The following SETD1B variants were observed in gnomAD, a reference collection of about 807,000 sequenced individuals.
SETD1B encodes the protein histone-lysine N-methyltransferase SETD1B.
A neutral mutation model predicts 148.0 loss-of-function variants in SETD1B; 7 were observed. That is an observed-to-expected ratio of 0.05 (90% CI 0.03 to 0.09). SETD1B has a LOEUF of 0.09. Ranked by LOEUF, SETD1B falls within the 10% of genes least tolerant of loss-of-function variation. SETD1B has a pLI of 1.00. For synonymous variants in SETD1B, 1,361 were observed against 1,186.5 expected, an observed-to-expected ratio of 1.15 and a Z score of -3.02; for missense variants, 2,155 against 2,729.9, an observed-to-expected ratio of 0.79 and a Z score of 4.69.
rs1369192222 is a variant in SETD1B, at chr12:121,823,062, C to T, written c.4483C>T (p.Arg1495Cys). Residue 1495 changes from arginine (R) to cysteine (C), a missense_variant, in exon 12 of 17, where the codon CGT becomes TGT. Arg to Cys is a radical substitution (Grantham distance 180). Around this residue, in one of 11 missense-constraint regions of SETD1B, gnomAD observed 862 missense variants for 873.8 expected, o/e 0.99. Transcript: ENST00000604567. ...GCCCGCCGTCTTGCGGGCCCAGGCT[C>T]GTGCGCCCACCCCGCTGCCACCCCT... Reference protein sequence around the residue: ...ALPAVLRAQARAPTPLPPLLP... With the variant: ...ALPAVLRAQACAPTPLPPLLP... 3 of 1,517,264 alleles carry T rather than the reference C, an allele frequency of 2.0e-6. No individual in the cohort carries two copies. The highest frequency in any genetic ancestry group is 4.9e-5 in the East Asian group (2 of 40,486). The allele number at this position is 1,517,264 out of a possible 1,614,324, so 94.0% of individuals were successfully genotyped here. A position where few individuals can be genotyped will look rare whatever the true frequency, so the allele number is the denominator to read the frequency against.
chr12:121,827,898 C>T, intron 15 of SETD1B, 35 bp from the exon 16 acceptor site: 1 of 1,552,332 alleles, frequency 6.4e-7, no homozygotes, highest in Non-Finnish European at 8.7e-7. Flanking sequence ...GGGCATGGGG[C>T]CGGCCCAGCC....
rs1489464675 is a variant in SETD1B, at chr12:121,810,270, C to T, written c.1325C>T (p.Pro442Leu). The T allele has an allele frequency of 6.5e-7, 1 of 1,544,986 alleles. No individual in the cohort carries two copies. The highest frequency in any genetic ancestry group is 8.7e-7 in the Non-Finnish European group (1 of 1,146,738). Residue 442 changes from proline to leucine, a missense_variant, in exon 6 of 17, where the codon CCT (proline) becomes CTT (leucine). Coordinates refer to ENST00000604567, the MANE Select transcript of SETD1B (RefSeq NM_001353345.2). This position sits in a 1 kb window ranked among gnomAD's most constrained non-coding sequence, Gnocchi z 7.6. Reference sequence around the variant, plus strand: ...CCCCCACCCCTGCCACCTGCTGAGCCTCTGGCCAAGGAGAAGCCAGGCACG... The same window carrying T: ...CCCCCACCCCTGCCACCTGCTGAGCTTCTGGCCAAGGAGAAGCCAGGCACG... ...PAPPPLPPAEPLAKEKPGTPP... is the reference protein window; with the variant it reads ...PAPPPLPPAELLAKEKPGTPP...
At chr12:121,818,259 T>C (rs543774794) in intron 10 of SETD1B, among the ~76,000 whole-genome samples, 1 of 152,232 alleles carries the variant, frequency 6.6e-6, no homozygotes, top group East Asian at 1.9e-4. Context: ...CTGCTGGAAT[T>C]ATCACTTTGT....
Position 121,823,517 on chromosome 12 carries a change from TAAG to T in SETD1B, c.4942_4944del (p.Lys1648del). ...GCCGGGGGCCGTGGCGCCGGCCACC[TAAG>T]AAGCGCCATGAGGACCTGGTGCCAC... On this transcript the variant is annotated inframe_deletion, in exon 12 of 17. Coordinates refer to ENST00000604567, the MANE Select transcript of SETD1B (RefSeq NM_001353345.2). The T allele has an allele frequency of 6.4e-7, 1 of 1,550,894 alleles. No homozygotes were observed. Among genetic ancestry groups the T allele is most frequent in the Non-Finnish European group, 8.7e-7 (1 of 1,146,894 alleles).
At chr12:121,807,924 C>T (rs1875829751) in intron 4 of SETD1B, among the ~76,000 whole-genome samples, 1 of 151,866 alleles carries the variant, frequency 6.6e-6, no homozygotes, top group Admixed American at 6.6e-5. Context: ...GGCTGGGCGT[C>T]GCGGGTGGCA....
upstream of SETD1B, chr12:121,802,352 T>G (rs1448613799): frequency 9.2e-5 from 14 of 152,238 alleles, no homozygotes. Flanking sequence ...GATTGGGTAC[T>G]TACAATGTAA....
Position 121,830,429 on chromosome 12 carries a change from G to A in SETD1B, c.*190G>A. On this transcript the variant is annotated 3_prime_UTR_variant, in exon 17 of 17. Transcript: ENST00000604567. The surrounding 1 kb of genome is among the most constrained non-coding windows in gnomAD (Gnocchi z 5.7). The stretch of plus-strand genomic sequence containing the variant: ...CTGGCTCCGGCCCCTCCGCGGGAAA[G>A]GGCTTCTCTGTCGTTCAGCCCACGT... 1.8e-6 allele frequency: 1 copy of A among 550,884 alleles called. No individual in the cohort carries two copies. Among genetic ancestry groups the A allele is most frequent in the Non-Finnish European group, 3.2e-6 (1 of 311,212 alleles). 34.1% of individuals were successfully genotyped at this position (550,884 alleles called of 1,614,324 possible). A position where few individuals can be genotyped will look rare whatever the true frequency, so the allele number is the denominator to read the frequency against.
intron 16 of SETD1B, among the ~76,000 whole-genome samples, chr12:121,829,205 C>T (rs1303861672): frequency 6.6e-6 from 1 of 152,142 alleles, no homozygotes; most frequent in East Asian, 1.9e-4. Context: ...TCTGCTATCC[C>T]TTTGGAAACG....
chr12:121,804,948 G>A lies in SETD1B; in HGVS notation c.174+37G>A, dbSNP rs1238539751. 3 of 1,477,460 alleles carry A rather than the reference G, an allele frequency of 2.0e-6. No homozygotes were observed. Among genetic ancestry groups the A allele is most frequent in the Admixed American group, 5.0e-5 (2 of 40,292 alleles). The allele number at this position is 1,477,460 out of a possible 1,614,324, so 91.5% of individuals were successfully genotyped here. ...GCGCGCCCCCCCAGCCGTGCCCCGC[G>A]TCGTGTCCGGGGAGACGCGCCTAGC... is the stretch of plus-strand genomic sequence containing the variant. On this transcript the variant is annotated intron_variant, in intron 2 of 16. Coordinates refer to ENST00000604567, the MANE Select transcript of SETD1B (RefSeq NM_001353345.2). The surrounding 1 kb of genome is among the most constrained non-coding windows in gnomAD (Gnocchi z 4.6).
At chr12:121,806,987 C>G (rs1260024988) in intron 4 of SETD1B, among the ~76,000 whole-genome samples, 1 of 152,212 alleles carries the variant, frequency 6.6e-6, no homozygotes, top group Non-Finnish European at 1.5e-5. Flanking sequence ...CATTCGGTCC[C>G]TAGCCCACCG....
At chr12:121,820,379 G>A (rs1166557308) in intron 11 of SETD1B, among the ~76,000 whole-genome samples, 2 of 152,252 alleles carry the variant, frequency 1.3e-5, no homozygotes, top group African/African-American at 2.4e-5. Context: ...TTCTCAGGCT[G>A]TGCTGTCCAG....
intron 11 of SETD1B, among the ~76,000 whole-genome samples, chr12:121,820,157 G>T (rs933882931): frequency 1.3e-5 from 2 of 152,230 alleles, no homozygotes; most frequent in African/African-American, 4.8e-5. Context: ...CTGGTGGCTT[G>T]GTCCTTGGAC....
At chr12:121,793,280 CG>C in the SETD1B span, 1 of 1,525,890 alleles carries the variant, frequency 6.6e-7, no homozygotes, top group Non-Finnish European at 8.9e-7. Flanking sequence ...GTGGGGCCGG[CG>C]GGGGCCAAAG....
Position 121,805,030 on chromosome 12 carries a change from G to C in SETD1B, c.175-88G>C. 4.0e-6 allele frequency: 6 copies of C among 1,483,374 alleles called. No individual in the cohort carries two copies. The highest frequency in any genetic ancestry group is 5.5e-6 in the Non-Finnish European group (6 of 1,096,040). The allele number at this position is 1,483,374 out of a possible 1,614,324, so 91.9% of individuals were successfully genotyped here. On this transcript the variant is annotated intron_variant, in intron 2 of 16. Transcript: ENST00000604567. The surrounding 1 kb of genome is among the most constrained non-coding windows in gnomAD (Gnocchi z 4.2). ...AACTGTCAGACGGGGCCCCAGCCCT[G>C]GAGTTTGACAAGTGCCTCGAGAAAG...
rs920970084 is a variant in SETD1B at position 121,808,279 on chromosome 12, G to C, written c.616G>C (p.Glu206Gln). ...RYTPQTLPVG[E>Q]LDAVSPIVNE... The stretch of plus-strand genomic sequence containing the variant: ...CACCCCCCAGACCCTCCCAGTGGGC[G>C]AGCTGGACGCTGTCTCTCCAATCGT... The change falls in exon 5 of 17, where the codon GAG becomes CAG. Residue 206 changes from glutamate to glutamine, a missense_variant. By Grantham distance (29) the Glu-to-Gln change is conservative (BLOSUM62 2). This residue lies in a region of SETD1B where 124 missense variants were observed against 282.9 expected (regional missense o/e 0.44). Transcript: ENST00000604567. This position sits in a 1 kb window ranked among gnomAD's most constrained non-coding sequence, Gnocchi z 5.3. 18 of 1,550,608 alleles carry C rather than the reference G, an allele frequency of 1.2e-5. No individual in the cohort carries two copies. The highest frequency in any genetic ancestry group is 1.5e-5 in the Non-Finnish European group (17 of 1,146,658).
chr12:121,815,785 GCCACC>G (rs1876263631), intron 7 of SETD1B, among the ~76,000 whole-genome samples: 1 of 150,404 alleles, frequency 6.6e-6, no homozygotes, highest in Non-Finnish European at 1.5e-5. Flanking sequence ...ATATGCGTCA[GCCACC>G]GCTCCTGGCC....
intron 4 of SETD1B, among the ~76,000 whole-genome samples, chr12:121,806,354 G>A (rs563545504): frequency 6.6e-6 from 1 of 152,214 alleles, no homozygotes; most frequent in Non-Finnish European, 1.5e-5. Context: ...ACCACCCGGA[G>A]GCTTCCCCAC....
At position 121,812,416 on chromosome 12, in the gene SETD1B, G is replaced by GT. The variant is rs1876078487; in HGVS notation, c.1890+1582dup. Reference sequence around the variant, plus strand: ...GTTTCGTCATCTGCCAAATGGGCCTGTGAGAGTCCCTGCAGCACAGGACCT... The same window carrying GT: ...GTTTCGTCATCTGCCAAATGGGCCTGTTGAGAGTCCCTGCAGCACAGGACCT... On this transcript the variant is annotated intron_variant, in intron 6 of 16. Coordinates refer to ENST00000604567, the MANE Select transcript of SETD1B (RefSeq NM_001353345.2). 2.0e-5 allele frequency among the ~76,000 whole-genome samples: 3 copies of GT among 151,928 alleles called. 1 individual carries two copies. The highest frequency in any genetic ancestry group is 7.3e-5 in the African/African-American group (3 of 41,168).
chr12:121,819,057 TA>T (rs1876438569), intron 10 of SETD1B, among the ~76,000 whole-genome samples: 1 of 151,856 alleles, frequency 6.6e-6, no homozygotes, highest in Admixed American at 6.6e-5. Context: ...CCAGCCTGGC[TA>T]ACATGGTGAA....
Sources: allele counts gnomAD v4.1 joint callset (sites outside exome capture counted in the v4.1 genomes callset), GRCh38; gene constraint gnomAD v4.1.1; regional missense constraint gnomAD v4.1.1; non-coding constraint Gnocchi (gnomAD v3.1); transcripts MANE v1.5; gene names NCBI Gene and HGNC (gene_info 2026-07-23, HGNC 2026-07-21).